The following FANCB variants were observed in gnomAD, a reference collection of about 807,000 sequenced individuals.
The protein encoded by FANCB is FA complementation group B, also known as Fanconi anemia group B protein.
In FANCB, 5 loss-of-function variants were observed where a neutral mutation model predicts 38.9. The observed-to-expected ratio is 0.13, with a 90% CI of 0.07 to 0.27. The LOEUF (loss-of-function observed/expected upper bound fraction) is 0.27. FANCB is among the 10% of genes least tolerant of loss of function. The pLI is 1.00. For missense variants in FANCB, 573 were observed against 602.7 expected (o/e 0.95, Z 0.52); for synonymous variants, 236 against 215.4 (o/e 1.10, Z -0.84).
chrX:14,839,854 ATT>A (rs140712188), downstream of FANCB, among the ~76,000 whole-genome samples: 1 of 101,987 alleles, frequency 9.8e-6, no homozygotes, highest in African/African-American at 3.5e-5. Flanking sequence ...GTTACAAGGG[ATT>A]TTTTTTTTTT....
the FANCB span, among the ~76,000 whole-genome samples, chrX:14,811,337 G>T: frequency 9.0e-6 from 1 of 111,472 alleles, no homozygotes; most frequent in Non-Finnish European, 1.9e-5. Context: ...AAATGTAAAT[G>T]CACTAAATGC....
the FANCB span, among the ~76,000 whole-genome samples, chrX:14,818,657 T>A: frequency 3.6e-5 from 4 of 111,521 alleles, no homozygotes; most frequent in Admixed American, 9.6e-5. Flanking sequence ...GCCACACATA[T>A]AAAGTTTTCT....
At chrX:14,784,088 T>C in the FANCB span, among the ~76,000 whole-genome samples, 4 of 111,995 alleles carry the variant, frequency 3.6e-5, no homozygotes, top group East Asian at 8.4e-4. Flanking sequence ...TGGGCGCCTG[T>C]AGTCTCAGTT....
chrX:14,783,038 T>C, the FANCB span, among the ~76,000 whole-genome samples: 1 of 111,591 alleles, frequency 9.0e-6, no homozygotes, highest in Non-Finnish European at 1.9e-5. Context: ...CTAATTAAGT[T>C]GGATGGCTGC....
At chrX:14,774,388 A>G in the FANCB span, among the ~76,000 whole-genome samples, 78 of 112,313 alleles carry the variant, frequency 6.9e-4, no homozygotes, top group Non-Finnish European at 1.1e-3. Context: ...CCAGAAATAT[A>G]AAATAGAAAT....
At chrX:14,798,580 A>T in the FANCB span, among the ~76,000 whole-genome samples, 49 of 112,677 alleles carry the variant, frequency 4.3e-4, no homozygotes, top group African/African-American at 1.4e-3. Flanking sequence ...TCTAAAACAA[A>T]GATATAAAAT....
the FANCB span, among the ~76,000 whole-genome samples, chrX:14,811,104 A>T: frequency 9.0e-6 from 1 of 111,074 alleles, no homozygotes; most frequent in African/African-American, 3.3e-5. Flanking sequence ...TACTTTACAG[A>T]CAAGCAAATG....
the FANCB span, chrX:14,690,610 C>A: frequency 1.7e-6 from 1 of 575,586 alleles, no homozygotes. Context: ...TATTTTGCTG[C>A]TCACACCATT....
the FANCB span, among the ~76,000 whole-genome samples, chrX:14,745,687 ATTTTTTTTTTTTTT>A: frequency 1.4e-4 from 4 of 29,219 alleles, no homozygotes; most frequent in African/African-American, 5.7e-4. Context: ...AAACTCTGGA[ATTTTTTTTTTTTTT>A]TTTTTTTTTT....
At chrX:14,822,139 C>A in the FANCB span, among the ~76,000 whole-genome samples, 1 of 111,146 alleles carries the variant, frequency 9.0e-6, no homozygotes, top group East Asian at 2.8e-4. Flanking sequence ...TAGTGCCAGA[C>A]TGTCCTTTGG....
At chrX:14,751,071 T>C in the FANCB span, among the ~76,000 whole-genome samples, 1 of 111,725 alleles carries the variant, frequency 9.0e-6, no homozygotes, top group Non-Finnish European at 1.9e-5. Context: ...TAAAAGGCAC[T>C]TGTAAAATAG....
intron 7 of FANCB, among the ~76,000 whole-genome samples, chrX:14,848,105 C>T (rs190818791): frequency 8.9e-6 from 1 of 112,128 alleles, no homozygotes; most frequent in East Asian, 2.8e-4. Context: ...CAGGCGACTA[C>T]AACCAAATAT....
Position 14,865,241 on chromosome X carries a change from G to T in FANCB, c.270C>A (p.Asn90Lys). 1 of 1,147,813 alleles carries T rather than the reference G, an allele frequency of 8.7e-7. No homozygotes were observed. The highest frequency in any genetic ancestry group is 1.2e-6 in the Non-Finnish European group (1 of 862,980). 94.6% of individuals were successfully genotyped at this position (1,147,813 alleles called of 1,213,427 possible). A position where few individuals can be genotyped will look rare whatever the true frequency, so the allele number is the denominator to read the frequency against. ...TTTTTTCTATCACAATGTAAGGGAG[G>T]TTAATTCCAGTTCTGAAATCTGACA... ...NCVSDFRTGI[N>K]LPYIVIEKNK... The change falls in exon 3 of 10, where the codon AAC becomes AAA. Residue 90 changes from asparagine (N) to lysine (K), a missense_variant. By Grantham distance (94) the Asn-to-Lys change is moderately conservative (BLOSUM62 0). Transcript: ENST00000650831.
At chrX:14,692,689 A>G in the FANCB span, among the ~76,000 whole-genome samples, 1 of 111,766 alleles carries the variant, frequency 8.9e-6, no homozygotes, top group Admixed American at 9.5e-5. Flanking sequence ...TTTAAGAAAC[A>G]CTATCCTGGC....
At chrX:14,830,261 C>T in the FANCB span, among the ~76,000 whole-genome samples, 1 of 111,746 alleles carries the variant, frequency 8.9e-6, no homozygotes. Context: ...AACAGACGTA[C>T]TAATAATGAA....
rs778313516 is a variant in FANCB, at chrX:14,857,961, A to C, written c.1105-7T>G. On this transcript the variant is annotated splice_polypyrimidine_tract_variant and splice_region_variant and intron_variant, in intron 4 of 9. Coordinates refer to ENST00000650831, the MANE Select transcript of FANCB (RefSeq NM_001018113.3). ...TGCAATCTGATGGTTCACTCTAATA[A>C]ATAAATAAATAAATAAATACACTAA... 3 of 982,524 alleles carry C rather than the reference A, an allele frequency of 3.1e-6. No individual in the cohort carries two copies. In the Admixed American group the frequency reaches 6.8e-5, roughly 22 times the overall value. The allele number at this position is 982,524 out of a possible 1,213,427, so 81.0% of individuals were successfully genotyped here. A position where few individuals can be genotyped will look rare whatever the true frequency, so the allele number is the denominator to read the frequency against.
chrX:14,731,656 G>A, the FANCB span: 1 of 110,911 alleles, frequency 9.0e-6, no homozygotes, highest in African/African-American at 3.3e-5. Context: ...TTGAATTCTG[G>A]CTACATGTTT....
the FANCB span, among the ~76,000 whole-genome samples, chrX:14,698,567 A>G: frequency 9.5e-6 from 1 of 105,366 alleles, no homozygotes; most frequent in Non-Finnish European, 1.9e-5. Flanking sequence ...GGTCCCAGGA[A>G]CTCATGAGGC....
chrX:14,795,476 G>C, the FANCB span, among the ~76,000 whole-genome samples: 2 of 111,305 alleles, frequency 1.8e-5, no homozygotes, highest in Non-Finnish European at 3.8e-5. Context: ...GAGAGGAAAA[G>C]GGTGAAGATG....
Sources: allele counts gnomAD v4.1 joint callset (sites outside exome capture counted in the v4.1 genomes callset), GRCh38; gene constraint gnomAD v4.1.1; transcripts MANE v1.5; gene names NCBI Gene and HGNC (gene_info 2026-07-23, HGNC 2026-07-21).